The following GATAD2A variants were observed in gnomAD, a reference collection of about 807,000 sequenced individuals.
GATAD2A encodes GATA zinc finger domain containing 2A, also known as transcriptional repressor p66-alpha.
A neutral mutation model predicts 68.5 loss-of-function variants in GATAD2A; 12 were observed. The ratio of observed to expected loss-of-function variants is 0.18; its 90% confidence interval spans 0.11 to 0.28. GATAD2A has a LOEUF of 0.28. GATAD2A is among the 10% of genes least tolerant of loss of function. The pLI is 1.00. For missense variants in GATAD2A, 755 were observed against 868.5 expected, an observed-to-expected ratio of 0.87 and a Z score of 1.64; for synonymous variants, 410 against 375.3, an observed-to-expected ratio of 1.09 and a Z score of -1.07.
At chr19:19,496,250 A>T (rs906267179) in intron 7 of GATAD2A, 31 bp downstream of exon 7, 6 of 1,599,622 alleles carry the variant, frequency 3.8e-6, no homozygotes, top group East Asian at 4.5e-5. Context: ...TGCCAGGGAG[A>T]GTGTGTGTCC....
chr19:19,450,785 T>G (rs2147813472), intron 1 of GATAD2A, among the ~76,000 whole-genome samples: 1 of 151,808 alleles, frequency 6.6e-6, no homozygotes, highest in South Asian at 2.1e-4. Flanking sequence ...GTTTGTTTTG[T>G]TTGAGACGGA....
chr19:19,472,502 T>G lies in GATAD2A; in HGVS notation c.269+6888T>G, dbSNP rs180929863. On this transcript the variant is annotated intron_variant, in intron 2 of 11. Coordinates refer to ENST00000683918, the MANE Select transcript of GATAD2A (RefSeq NM_001384528.1). The stretch of plus-strand genomic sequence containing the variant: ...GTACTTGCCACCACGCCCAGCTAAT[T>G]TTTGTATTTTTAGTAGAGACAGGGT... 3.3e-5 allele frequency: 5 copies of G among 151,384 alleles called. No homozygotes were observed. The East Asian group carries it at 9.7e-4, about 29-fold the overall frequency. 9.4% of individuals were successfully genotyped at this position (151,384 alleles called of 1,614,324 possible).
At chr19:19,394,624 T>G (rs1309077895) in intron 1 of GATAD2A, among the ~76,000 whole-genome samples, 2 of 152,124 alleles carry the variant, frequency 1.3e-5, no homozygotes, top group Admixed American at 1.3e-4. Flanking sequence ...TTTTTTGTAT[T>G]TTAGTAGAGA....
intron 2 of GATAD2A, among the ~76,000 whole-genome samples, chr19:19,466,622 G>T (rs1334920852): frequency 2.6e-5 from 4 of 152,230 alleles, no homozygotes; most frequent in Non-Finnish European, 5.9e-5. Flanking sequence ...GGACTTCAGA[G>T]ATCATCTGGT....
At chr19:19,397,011 GTTTC>G (rs1444554996) in intron 1 of GATAD2A, among the ~76,000 whole-genome samples, 1 of 152,044 alleles carries the variant, frequency 6.6e-6, no homozygotes, top group Non-Finnish European at 1.5e-5. Flanking sequence ...CAGCCGTTAG[GTTTC>G]TTAAGTGGCT....
At chr19:19,429,094 T>G in intron 1 of GATAD2A, 20 of 591,856 alleles carry the variant, frequency 3.4e-5, no homozygotes, top group South Asian at 7.4e-5. Context: ...GAGGTCCCCA[T>G]TTTGTAGTCT....
chr19:19,419,934 A>G (rs933060287), intron 1 of GATAD2A, among the ~76,000 whole-genome samples: 1 of 150,132 alleles, frequency 6.7e-6, no homozygotes, highest in African/African-American at 2.5e-5. Flanking sequence ...GCCTGGGCCT[A>G]GGAGGTGGCT....
At chr19:19,494,232 C>A in intron 4 of GATAD2A, 62 bp from the exon 5 acceptor site, 1 of 887,206 alleles carries the variant, frequency 1.1e-6, no homozygotes, top group Non-Finnish European at 1.8e-6. Context: ...CTTGGCAACT[C>A]CGTGTGAGGA....
chr19:19,484,525 T>C (rs1421260494), intron 2 of GATAD2A, among the ~76,000 whole-genome samples: 1 of 146,794 alleles, frequency 6.8e-6, no homozygotes, highest in Non-Finnish European at 1.5e-5. Flanking sequence ...TTTCTTTTTT[T>C]TTTTTTCTTT....
intron 2 of GATAD2A, among the ~76,000 whole-genome samples, chr19:19,469,579 A>G (rs1243791112): frequency 6.6e-6 from 1 of 152,094 alleles, no homozygotes; most frequent in Non-Finnish European, 1.5e-5. Context: ...CAATCCAGCC[A>G]TGTCAATAAT....
intron 1 of GATAD2A, chr19:19,458,477 G>C (rs960474146): frequency 6.6e-6 from 1 of 152,202 alleles, no homozygotes; most frequent in African/African-American, 2.4e-5. Context: ...TGCATACCAA[G>C]CCCATACTGT....
chr19:19,407,991 G>A (rs1417091821), intron 1 of GATAD2A, among the ~76,000 whole-genome samples: 1 of 152,196 alleles, frequency 6.6e-6, no homozygotes, highest in African/African-American at 2.4e-5. Context: ...AGATTTGGAT[G>A]CAGTGTGTTT....
intron 1 of GATAD2A, among the ~76,000 whole-genome samples, chr19:19,418,099 GT>G (rs1292905808): frequency 6.6e-6 from 1 of 152,156 alleles, no homozygotes. Flanking sequence ...TGGATCTTTG[GT>G]TTTAGGGGTA....
At chr19:19,389,753 C>T (rs573049746) in intron 1 of GATAD2A, among the ~76,000 whole-genome samples, 2 of 152,114 alleles carry the variant, frequency 1.3e-5, no homozygotes, top group African/African-American at 2.4e-5. Flanking sequence ...AGTGCCTGCA[C>T]GTATTTACTA....
At chr19:19,456,435 T>G (rs2056943090) in intron 1 of GATAD2A, among the ~76,000 whole-genome samples, 1 of 152,098 alleles carries the variant, frequency 6.6e-6, no homozygotes, top group African/African-American at 2.4e-5. Flanking sequence ...CTTGCAACAT[T>G]TGTATATTTC....
intron 1 of GATAD2A, among the ~76,000 whole-genome samples, chr19:19,458,798 G>T (rs2057166501): frequency 2.0e-5 from 3 of 152,162 alleles, no homozygotes; most frequent in Non-Finnish European, 4.4e-5. Flanking sequence ...GGAAGAATGG[G>T]CAGTGGTATC....
At chr19:19,415,665 T>C (rs1445354582) in intron 1 of GATAD2A, among the ~76,000 whole-genome samples, 2 of 146,138 alleles carry the variant, frequency 1.4e-5, no homozygotes, top group Admixed American at 7.0e-5. Context: ...GTCACCAGGC[T>C]GGAGGGCAGT....
At chr19:19,447,782 G>C (rs984977564) in intron 1 of GATAD2A, among the ~76,000 whole-genome samples, 1 of 152,238 alleles carries the variant, frequency 6.6e-6, no homozygotes, top group African/African-American at 2.4e-5. Context: ...AGCCCACAGC[G>C]TCACCACGTT....
At chr19:19,417,511 T>TG (rs921936327) in intron 1 of GATAD2A, among the ~76,000 whole-genome samples, 10 of 152,082 alleles carry the variant, frequency 6.6e-5, no homozygotes, top group African/African-American at 2.2e-4. Flanking sequence ...AGAGGAGTGT[T>TG]GGGTGCGGGG....
Sources: allele counts gnomAD v4.1 joint callset (sites outside exome capture counted in the v4.1 genomes callset), GRCh38; gene constraint gnomAD v4.1.1; transcripts MANE v1.5; gene names NCBI Gene and HGNC (gene_info 2026-07-23, HGNC 2026-07-21).